GPC5: variants seen among roughly 807,000 people sequenced by gnomAD.
GPC5 encodes glypican 5.
Under a neutral mutation model 53.9 loss-of-function variants are expected in GPC5, and 47 were observed. That is an observed-to-expected ratio of 0.87 (90% CI 0.69 to 1.11). The LOEUF (loss-of-function observed/expected upper bound fraction) is 1.11. Among genes scored for constraint, GPC5 ranks in the 50% most tolerant of loss-of-function variants. The probability of loss-of-function intolerance (pLI) is 0.00; values close to 1 mark genes in which losing one functional copy is unlikely to be tolerated. For synonymous variants in GPC5, 286 were observed against 263.3 expected, an observed-to-expected ratio of 1.09 and a Z score of -0.84; for missense variants, 748 against 713.1, an observed-to-expected ratio of 1.05 and a Z score of -0.56.
chr13:91,835,128 CAT>C (rs1331565178), intron 5 of GPC5, among the ~76,000 whole-genome samples: 1 of 152,034 alleles, frequency 6.6e-6, no homozygotes, highest in Non-Finnish European at 1.5e-5. Flanking sequence ...CACCAAGAAA[CAT>C]ATGAAATCTC....
At chr13:91,622,417 G>A (rs773389841) in intron 2 of GPC5, among the ~76,000 whole-genome samples, 25 of 152,062 alleles carry the variant, frequency 1.6e-4, no homozygotes, top group Non-Finnish European at 2.8e-4. Flanking sequence ...ACATAAAGGC[G>A]TTTTATGGCT....
chr13:91,734,178 G>A (rs1341791434), intron 4 of GPC5, among the ~76,000 whole-genome samples: 1 of 151,230 alleles, frequency 6.6e-6, no homozygotes, highest in African/African-American at 2.5e-5. Context: ...GGATGAAGGT[G>A]ACTTAATTGT....
chr13:92,589,792 A>G (rs886639684), intron 7 of GPC5, among the ~76,000 whole-genome samples: 4 of 152,260 alleles, frequency 2.6e-5, no homozygotes, highest in African/African-American at 9.6e-5. Context: ...TTTGTATGCT[A>G]GAGAAATATG....
chr13:92,663,414 G>A (rs1223442657), intron 7 of GPC5, among the ~76,000 whole-genome samples: 2 of 151,538 alleles, frequency 1.3e-5, no homozygotes, highest in East Asian at 3.9e-4. Flanking sequence ...TCTGAGTGTC[G>A]TAAAAAGAGC....
chr13:92,210,507 T>C (rs2042367269), intron 7 of GPC5, among the ~76,000 whole-genome samples: 1 of 152,200 alleles, frequency 6.6e-6, no homozygotes, highest in African/African-American at 2.4e-5. Flanking sequence ...CTTCCTTTTA[T>C]CTACAGCTAT....
At chr13:92,647,378 A>G (rs1885807662) in intron 7 of GPC5, among the ~76,000 whole-genome samples, 2 of 152,158 alleles carry the variant, frequency 1.3e-5, no homozygotes, top group South Asian at 4.1e-4. Context: ...CTTCGATGTC[A>G]GTGCTCCTGT....
At chr13:92,498,557 A>G (rs1055656494) in intron 7 of GPC5, among the ~76,000 whole-genome samples, 1 of 152,044 alleles carries the variant, frequency 6.6e-6, no homozygotes, top group Admixed American at 6.6e-5. Context: ...GCTGGGACCA[A>G]TTATTATTTT....
intron 7 of GPC5, among the ~76,000 whole-genome samples, chr13:92,453,254 A>G (rs1471922423): frequency 6.6e-6 from 1 of 152,212 alleles, no homozygotes; most frequent in Admixed American, 6.5e-5. Flanking sequence ...AGCGAGTTCC[A>G]TTGTAACGAA....
rs1876288987 is a variant in GPC5, at chr13:92,787,656, C to T, written c.1562-78626C>T. 2.8e-5 allele frequency among the ~76,000 whole-genome samples: 3 copies of T among 109,028 alleles called. No homozygotes were observed. The South Asian group carries it at 1.0e-3, about 37-fold the overall frequency. The allele number at this position is 109,028 out of a possible 152,430, so 71.5% of individuals were successfully genotyped here. Reference sequence around the variant, plus strand: ...GAGACCAGTCTGGGCAACAGAGAGACCTCATAGCTACAAAAAAAAAAAAAA... The same window carrying T: ...GAGACCAGTCTGGGCAACAGAGAGATCTCATAGCTACAAAAAAAAAAAAAA... On this transcript the variant is annotated intron_variant, in intron 7 of 7. Transcript: ENST00000377067.
intron 1 of GPC5, among the ~76,000 whole-genome samples, chr13:91,444,590 G>T (rs1880655284): frequency 6.6e-6 from 1 of 152,116 alleles, no homozygotes; most frequent in Non-Finnish European, 1.5e-5. Flanking sequence ...AAATATGGCA[G>T]CTCATTTTAT....
chr13:92,524,694 G>T (rs575245282), intron 7 of GPC5, among the ~76,000 whole-genome samples: 2 of 152,064 alleles, frequency 1.3e-5, no homozygotes, highest in Admixed American at 1.3e-4. Context: ...ACAGAAAGTT[G>T]TATATTGATT....
At chr13:91,698,527 A>G (rs2035929894) in intron 3 of GPC5, among the ~76,000 whole-genome samples, 1 of 152,164 alleles carries the variant, frequency 6.6e-6, no homozygotes, top group African/African-American at 2.4e-5. Context: ...TTAGGACAAA[A>G]TGCTAATTTT....
chr13:91,571,815 GTGTGTGTATATATACACA>G (rs2031817990), intron 2 of GPC5, among the ~76,000 whole-genome samples: 3 of 91,708 alleles, frequency 3.3e-5, no homozygotes, highest in South Asian at 3.1e-4. Context: ...ACACACATAC[GTGTGTGTATATATACACA>G]TATACTTGTG....
At chr13:91,406,383 A>C (rs932672065) in intron 1 of GPC5, among the ~76,000 whole-genome samples, 2 of 152,160 alleles carry the variant, frequency 1.3e-5, no homozygotes, top group African/African-American at 4.8e-5. Flanking sequence ...AATGGGTTAA[A>C]GATGGACCCC....
At chr13:92,602,848 A>AT (rs67198247) in intron 7 of GPC5, among the ~76,000 whole-genome samples, 13 of 151,610 alleles carry the variant, frequency 8.6e-5, no homozygotes, top group South Asian at 2.1e-4. Flanking sequence ...CATAGTTTTG[A>AT]TTTTTTTTTC....
intron 7 of GPC5, among the ~76,000 whole-genome samples, chr13:92,255,446 G>A (rs2042720457): frequency 6.6e-6 from 1 of 151,888 alleles, no homozygotes; most frequent in South Asian, 2.1e-4. Context: ...GTTTTACATG[G>A]GGATAACTTT....
intron 7 of GPC5, among the ~76,000 whole-genome samples, chr13:92,713,730 T>C (rs1888231031): frequency 6.6e-6 from 1 of 152,128 alleles, no homozygotes; most frequent in South Asian, 2.1e-4. Flanking sequence ...AAATGTCTTA[T>C]TTCTTATTGA....
chr13:92,092,422 A>G (rs1484012352), intron 6 of GPC5, among the ~76,000 whole-genome samples: 2 of 152,184 alleles, frequency 1.3e-5, no homozygotes, highest in Non-Finnish European at 2.9e-5. Context: ...TATGGGCAAA[A>G]AGAAAGTGTA....
At chr13:92,806,168 C>T (rs9523808) in intron 7 of GPC5, among the ~76,000 whole-genome samples, 29,778 of 152,122 alleles carry the variant, frequency 0.2, 3,649 homozygotes, top group Non-Finnish European at 0.28. Flanking sequence ...GCACTTGCTG[C>T]TTCAACCTTG....
Sources: gnomAD v4.1 joint callset for allele counts (sites outside exome capture counted in the v4.1 genomes callset) on GRCh38, gnomAD v4.1.1 for gene constraint, MANE v1.5 for transcripts, NCBI Gene and HGNC (gene_info 2026-07-23, HGNC 2026-07-21) for gene names.